LINGO1: variants seen among roughly 807,000 people sequenced by gnomAD.
LINGO1 encodes leucine-rich repeat and immunoglobulin-like domain-containing nogo receptor-interacting protein 1.
Under a neutral mutation model 37.3 loss-of-function variants are expected in LINGO1, and 11 were observed. That is an observed-to-expected ratio of 0.29 (90% CI 0.19 to 0.49). The LOEUF is 0.49. LINGO1 is among the 20% of genes least tolerant of loss of function. LINGO1 has a pLI of 0.99. For synonymous variants in LINGO1, 387 were observed against 403.0 expected (o/e 0.96, Z 0.48); for missense variants, 585 against 878.2 (o/e 0.67, Z 4.22).
At chr15:77,618,358 C>G (rs1017567301) in intron 1 of LINGO1, among the ~76,000 whole-genome samples, 15 of 152,318 alleles carry the variant, frequency 9.8e-5, no homozygotes, top group African/African-American at 3.6e-4. Context: ...CCTGGGCCTC[C>G]CCACTTTGTC....
chr15:77,677,014 CTGGTCCT>C (rs2075339297), intron 3 of LINGO1: 1 of 152,334 alleles, frequency 6.6e-6, no homozygotes, highest in Non-Finnish European at 1.5e-5. Context: ...GTCAGGGGAC[CTGGTCCT>C]CACACCCAGA....
intron 1 of LINGO1, among the ~76,000 whole-genome samples, chr15:77,735,416 G>C (rs1247771375): frequency 6.6e-6 from 1 of 152,172 alleles, no homozygotes; most frequent in African/African-American, 2.4e-5. Context: ...GGACACACAG[G>C]GCTGAACCTC....
chr15:77,733,799 C>G (rs913138169), intron 2 of LINGO1, among the ~76,000 whole-genome samples: 2 of 152,232 alleles, frequency 1.3e-5, no homozygotes, highest in African/African-American at 4.8e-5. Flanking sequence ...AGTTTCTCCT[C>G]TCCCAAATGA....
At chr15:77,723,500 G>T (rs1309465182) in intron 2 of LINGO1, among the ~76,000 whole-genome samples, 1 of 152,202 alleles carries the variant, frequency 6.6e-6, no homozygotes, top group South Asian at 2.1e-4. Flanking sequence ...CGTGTCCCAG[G>T]CTTTACCTGC....
chr15:77,741,351 T>G (rs2076262451), intron 1 of LINGO1, among the ~76,000 whole-genome samples: 1 of 152,222 alleles, frequency 6.6e-6, no homozygotes, highest in Non-Finnish European at 1.5e-5. Flanking sequence ...CCTGAGAGGC[T>G]GGGAAACTCC....
chr15:77,699,372 C>A, upstream of LINGO1, among the ~76,000 whole-genome samples: 1 of 4,330 alleles, frequency 2.3e-4, no homozygotes, highest in South Asian at 4.5e-3. Context: ...TAACCATCAT[C>A]AGCACACAAT....
At chr15:77,639,780 T>C (rs2074464530) in intron 3 of LINGO1, among the ~76,000 whole-genome samples, 1 of 152,214 alleles carries the variant, frequency 6.6e-6, no homozygotes, top group African/African-American at 2.4e-5. Flanking sequence ...TGAATATGGA[T>C]ACCTACAAAT....
intron 3 of LINGO1, among the ~76,000 whole-genome samples, chr15:77,654,204 C>A (rs189592010): frequency 5.9e-5 from 9 of 152,284 alleles, no homozygotes; most frequent in African/African-American, 2.2e-4. Flanking sequence ...GAGTGGATAT[C>A]CCGTGCTTGG....
intron 1 of LINGO1, among the ~76,000 whole-genome samples, chr15:77,768,189 CA>C (rs1404369939): frequency 1.3e-5 from 2 of 152,152 alleles, no homozygotes; most frequent in Non-Finnish European, 2.9e-5. Context: ...AGCCTCCCAG[CA>C]ACCCCTGCCT....
intron 1 of LINGO1, among the ~76,000 whole-genome samples, chr15:77,691,969 G>A (rs1471898054): frequency 2.0e-5 from 3 of 152,130 alleles, no homozygotes; most frequent in South Asian, 2.1e-4. Context: ...CAGGAGGAGC[G>A]GGTGTTCAGA....
At chr15:77,733,932 C>T (rs2076177728) in intron 2 of LINGO1, among the ~76,000 whole-genome samples, 2 of 152,226 alleles carry the variant, frequency 1.3e-5, no homozygotes, top group African/African-American at 4.8e-5. Flanking sequence ...GTTTTCACAT[C>T]TATTGAGCAC....
intron 2 of LINGO1, among the ~76,000 whole-genome samples, chr15:77,705,356 A>C (rs188343818): frequency 1.7e-3 from 263 of 152,238 alleles, no homozygotes; most frequent in African/African-American, 5.6e-3. Context: ...TGCCGGAAGG[A>C]AAGGGTGCTA....
rs546229764 is a variant in LINGO1 at position 77,728,371 on chromosome 15, G to A, written c.-195+6621C>T. 2.1e-4 allele frequency among the ~76,000 whole-genome samples: 32 copies of A among 152,354 alleles called. No individual in the cohort carries two copies. In the East Asian group the frequency reaches 5.6e-3, roughly 27 times the overall value. ...CAACCCCCAGAGCTCACCCTGTTCC[G>A]GCCAGGCCAGAGACCAAAGCCTCGT... is the stretch of plus-strand genomic sequence containing the variant. On this transcript the variant is annotated intron_variant, in intron 2 of 3. Coordinates refer to the LINGO1 transcript ENST00000561686.
intron 1 of LINGO1, among the ~76,000 whole-genome samples, chr15:77,624,824 A>G (rs1317252288): frequency 2.0e-5 from 3 of 152,144 alleles, no homozygotes; most frequent in Non-Finnish European, 4.4e-5. Context: ...GAGGTGGGGC[A>G]GGCAAGTGCC....
At chr15:77,635,166 C>T (rs1461844793), upstream of LINGO1, among the ~76,000 whole-genome samples, 1 of 152,214 alleles carries the variant, frequency 6.6e-6, no homozygotes, top group South Asian at 2.1e-4. Flanking sequence ...GGAGCTGTGT[C>T]TGGGAGGAAG....
chr15:77,670,888 G>A (rs1470701548), intron 3 of LINGO1, among the ~76,000 whole-genome samples: 1 of 152,180 alleles, frequency 6.6e-6, no homozygotes, highest in Non-Finnish European at 1.5e-5. Context: ...GCTGGATCTG[G>A]CCTCAATCCC....
intron 1 of LINGO1, among the ~76,000 whole-genome samples, chr15:77,754,283 G>C (rs541311451): frequency 4.1e-5 from 6 of 146,856 alleles, no homozygotes; most frequent in Admixed American, 4.1e-4. Context: ...AGTGTGGAGG[G>C]AAGGGAGGGA....
chr15:77,682,556 C>T (rs74720991), intron 2 of LINGO1, among the ~76,000 whole-genome samples: 109 of 152,138 alleles, frequency 7.2e-4, no homozygotes, highest in Non-Finnish European at 1.4e-3. Flanking sequence ...ATGTAGCCCC[C>T]CAAGCCAAAC....
At chr15:77,709,434 A>G (rs545331177) in intron 2 of LINGO1, among the ~76,000 whole-genome samples, 1 of 152,350 alleles carries the variant, frequency 6.6e-6, no homozygotes, top group South Asian at 2.1e-4. Flanking sequence ...GAGGCCAAGA[A>G]CCTGCTCAAG....
Sources: allele counts gnomAD v4.1 joint callset (sites outside exome capture counted in the v4.1 genomes callset), GRCh38; gene constraint gnomAD v4.1.1; transcripts MANE v1.5; gene names NCBI Gene and HGNC (gene_info 2026-07-23, HGNC 2026-07-21).